MYCBP: variants seen among roughly 807,000 people sequenced by gnomAD.
MYCBP encodes MYC binding protein, also known as C-Myc-binding protein.
Under a neutral mutation model 16.8 loss-of-function variants are expected in MYCBP, and 5 were observed. That is an observed-to-expected ratio of 0.30 (90% CI 0.16 to 0.63). MYCBP has a LOEUF of 0.63. Ranked by LOEUF, MYCBP falls within the 20% of genes least tolerant of loss-of-function variation. The probability of loss-of-function intolerance (pLI) is 0.83; values close to 1 mark genes in which losing one functional copy is unlikely to be tolerated. For synonymous variants in MYCBP, 35 were observed against 43.7 expected, an observed-to-expected ratio of 0.80 and a Z score of 0.79; for missense variants, 103 against 121.8, an observed-to-expected ratio of 0.85 and a Z score of 0.73.
At chr1:38,873,170 T>C (rs1025836811) in intron 1 of MYCBP, 80 bp from the exon 2 acceptor site, 1 of 1,553,056 alleles carries the variant, frequency 6.4e-7, no homozygotes, top group Non-Finnish European at 8.7e-7. Flanking sequence ...CAACCCCGCC[T>C]CCGCCTCACT....
At chr1:38,865,125 T>C (rs901345541) in intron 4 of MYCBP, among the ~76,000 whole-genome samples, 6 of 152,224 alleles carry the variant, frequency 3.9e-5, no homozygotes, top group African/African-American at 1.4e-4. Flanking sequence ...AATAAACAAC[T>C]ACTAATGTCT....
At position 38,863,740 on chromosome 1, in the gene MYCBP, T is replaced by C. The variant is rs1365070416; in HGVS notation, c.*930A>G. 6.6e-6 allele frequency: 1 copy of C among 152,582 alleles called. No homozygotes were observed. Among genetic ancestry groups the C allele is most frequent in the East Asian group, 1.9e-4 (1 of 5,200 alleles). 9.5% of individuals were successfully genotyped at this position (152,582 alleles called of 1,614,324 possible). Reference sequence around the variant, plus strand: ...TCCCCTTATACTTGTCCCACCTACTTCACAGGGATAATGAAGATAAAATGA... The same window carrying C: ...TCCCCTTATACTTGTCCCACCTACTCCACAGGGATAATGAAGATAAAATGA... On this transcript the variant is annotated 3_prime_UTR_variant, in exon 5 of 5. Coordinates refer to ENST00000397572, the MANE Select transcript of MYCBP (RefSeq NM_012333.5).
chr1:38,871,578 ATTTTTT>A (rs77202040), intron 2 of MYCBP, among the ~76,000 whole-genome samples: 2 of 141,488 alleles, frequency 1.4e-5, no homozygotes, highest in Admixed American at 1.4e-4. Flanking sequence ...ATGCCCAGCA[ATTTTTT>A]TTTTTTTTTA....
At chr1:38,867,483 A>G (rs1333744702) in intron 3 of MYCBP, 79 bp downstream of exon 3, 3 of 1,147,960 alleles carry the variant, frequency 2.6e-6, no homozygotes, top group Admixed American at 4.7e-5. Context: ...CTCAATATTC[A>G]GAAGTATTTT....
chr1:38,866,754 A>T, intron 4 of MYCBP, 126 bp downstream of exon 4: 2 of 836,780 alleles, frequency 2.4e-6, no homozygotes, highest in Non-Finnish European at 1.8e-6. Context: ...CTTTGGCCTT[A>T]CATTGTAATT....
rs1642355175 is a variant in MYCBP at position 38,866,966 on chromosome 1, C to T, written c.181G>A (p.Glu61Lys). Reference sequence around the variant, plus strand: ...AGTTCTAGGCGAAGCAGCTCTATTTCTGGATTTTCTGGAGTAGCAGCTCCT... The same window carrying T: ...AGTTCTAGGCGAAGCAGCTCTATTTTTGGATTTTCTGGAGTAGCAGCTCCT... ...HLGAATPENP[E>K]IELLRLELAE... Residue 61 changes from glutamate (E) to lysine (K), a missense_variant, in exon 4 of 5, where the codon GAA becomes AAA. By Grantham distance (56) the Glu-to-Lys change is moderately conservative. Coordinates refer to ENST00000397572, the MANE Select transcript of MYCBP (RefSeq NM_012333.5). 1 of 1,610,716 alleles carries T rather than the reference C, an allele frequency of 6.2e-7. No individual in the cohort carries two copies. The highest frequency in any genetic ancestry group is 8.5e-7 in the Non-Finnish European group (1 of 1,178,408).
At chr1:38,869,315 C>T (rs140228256) in intron 2 of MYCBP, among the ~76,000 whole-genome samples, 3,573 of 152,120 alleles carry the variant, frequency 0.023, 148 homozygotes, top group African/African-American at 0.079. Context: ...CTCGAACTCC[C>T]AGCCTCAGGT....
chr1:38,873,179 C>T, intron 1 of MYCBP, 89 bp from the exon 2 acceptor site: 1 of 1,556,962 alleles, frequency 6.4e-7, no homozygotes, highest in Non-Finnish European at 8.7e-7. Flanking sequence ...CTCCGCCTCA[C>T]TACCTCGGGG....
At chr1:38,866,517 A>G (rs1472642155) in intron 4 of MYCBP, among the ~76,000 whole-genome samples, 1 of 151,710 alleles carries the variant, frequency 6.6e-6, no homozygotes, top group Admixed American at 6.6e-5. Flanking sequence ...GCCGGGTTCA[A>G]GCGATTCTCC....
At chr1:38,866,818 T>C in intron 4 of MYCBP, 62 bp downstream of exon 4, 2 of 1,307,648 alleles carry the variant, frequency 1.5e-6, no homozygotes, top group Middle Eastern at 2.6e-4. Flanking sequence ...TTCAGTGAGG[T>C]TTTCATCATA....
Position 38,873,307 on chromosome 1 carries a change from G to A in MYCBP, c.-2C>T, listed in dbSNP as rs1355747198. 2 of 1,602,882 alleles carry A rather than the reference G, an allele frequency of 1.2e-6. No individual in the cohort carries two copies. Among genetic ancestry groups the A allele is most frequent in the East Asian group, 2.2e-5 (1 of 44,836 alleles). On this transcript the variant is annotated 5_prime_UTR_variant, in exon 1 of 5. Coordinates refer to ENST00000397572, the MANE Select transcript of MYCBP (RefSeq NM_012333.5). The stretch of plus-strand genomic sequence containing the variant: ...CCCCCTCACTTTGTAATGGGCCATA[G>A]TGACAGCGGCAGCGGCGTAGCTGGC...
At chr1:38,872,931 T>G in intron 2 of MYCBP, 87 bp downstream of exon 2, 1 of 1,457,528 alleles carries the variant, frequency 6.9e-7, no homozygotes. Context: ...TTTCCCCTCC[T>G]TCCCCACGCT....
At chr1:38,871,802 CT>C (rs1178528968) in intron 2 of MYCBP, among the ~76,000 whole-genome samples, 1 of 152,138 alleles carries the variant, frequency 6.6e-6, no homozygotes, top group Non-Finnish European at 1.5e-5. Context: ...ATGTATTTCT[CT>C]CCCTCAACTA....
At chr1:38,872,655 ACTTT>A (rs1051127696) in intron 2 of MYCBP, 3 of 237,644 alleles carry the variant, frequency 1.3e-5, no homozygotes, top group African/African-American at 6.8e-5. Context: ...TTGGAGGGAA[ACTTT>A]CTTAACAAGA....
chr1:38,870,691 G>A (rs1222739608), intron 2 of MYCBP, among the ~76,000 whole-genome samples: 1 of 149,276 alleles, frequency 6.7e-6, no homozygotes, highest in Non-Finnish European at 1.5e-5. Context: ...TACTCGGGAG[G>A]CTGAGGCAGG....
At chr1:38,868,667 A>G (rs568181657) in intron 2 of MYCBP, among the ~76,000 whole-genome samples, 1 of 152,300 alleles carries the variant, frequency 6.6e-6, no homozygotes, top group South Asian at 2.1e-4. Context: ...GCACTTTGGG[A>G]GGCCAAGGCG....
chr1:38,864,810 G>A (rs1642304155), intron 4 of MYCBP, 96 bp from the exon 5 acceptor site: 1 of 1,102,356 alleles, frequency 9.1e-7, no homozygotes, highest in Non-Finnish European at 1.4e-6. Context: ...CTTAGTTACT[G>A]TCAGTAAATT....
chr1:38,866,705 G>A (rs574616845), intron 4 of MYCBP, among the ~76,000 whole-genome samples, 175 bp downstream of exon 4: 1 of 152,264 alleles, frequency 6.6e-6, no homozygotes, highest in Admixed American at 6.5e-5. Context: ...GTAAGCCACC[G>A]TGCCAGGCCC....
At chr1:38,873,263 G>GC (rs1489333817) in intron 1 of MYCBP, 28 bp downstream of exon 1, 1 of 1,598,802 alleles carries the variant, frequency 6.3e-7, no homozygotes, top group East Asian at 2.2e-5. Context: ...CCGCCCGCAT[G>GC]CCCCCAGCCA....
Sources: allele counts gnomAD v4.1 joint callset (sites outside exome capture counted in the v4.1 genomes callset), GRCh38; gene constraint gnomAD v4.1.1; transcripts MANE v1.5; gene names NCBI Gene and HGNC (gene_info 2026-07-23, HGNC 2026-07-21).